The following LY96 variants were observed in gnomAD, a reference collection of about 807,000 sequenced individuals.
LY96 encodes the protein myeloid differentiation protein-2.
Under a neutral mutation model 18.9 loss-of-function variants are expected in LY96, and 18 were observed. That is an observed-to-expected ratio of 0.95 (90% CI 0.66 to 1.41). LY96 has a LOEUF of 1.41. LY96 is among the 40% of genes most tolerant of loss of function. LY96 has a pLI of 0.00. For missense variants in LY96, 175 were observed against 182.4 expected, an observed-to-expected ratio of 0.96 and a Z score of 0.23; for synonymous variants, 66 against 62.6, an observed-to-expected ratio of 1.06 and a Z score of -0.26.
the LY96 span, among the ~76,000 whole-genome samples, chr8:74,092,314 C>G: frequency 6.6e-5 from 10 of 152,100 alleles, no homozygotes; most frequent in African/African-American, 1.4e-4. Flanking sequence ...CACATTGCCC[C>G]CTTTAGCTAA....
the LY96 span, among the ~76,000 whole-genome samples, chr8:74,081,122 T>TTTCTTTCTTTCTTTCTTTCCTTCC: frequency 1.6e-5 from 2 of 124,346 alleles, no homozygotes; most frequent in African/African-American, 3.4e-5. Flanking sequence ...TCTTTCTTTC[T>TTTCTTTCTTTCTTTCTTTCCTTCC]TTCCTTCCTT....
At chr8:74,041,802 A>C in the LY96 span, among the ~76,000 whole-genome samples, 1 of 152,252 alleles carries the variant, frequency 6.6e-6, no homozygotes. Context: ...CAATACATAC[A>C]CAGCTGAACA....
chr8:74,075,944 C>T, the LY96 span, among the ~76,000 whole-genome samples: 2 of 152,154 alleles, frequency 1.3e-5, no homozygotes, highest in African/African-American at 2.4e-5. Flanking sequence ...AGGTGCTAGA[C>T]GGAGAAGACC....
At chr8:74,047,011 C>A in the LY96 span, among the ~76,000 whole-genome samples, 2 of 150,974 alleles carry the variant, frequency 1.3e-5, no homozygotes, top group African/African-American at 4.9e-5. Flanking sequence ...AAGCCATTAT[C>A]CTGCCTCAGC....
At chr8:74,010,181 A>G in intron 3 of LY96, 52 bp downstream of exon 3, 1 of 1,511,098 alleles carries the variant, frequency 6.6e-7, no homozygotes. Flanking sequence ...TCTTTATGAA[A>G]ATGTTATGAA....
the LY96 span, among the ~76,000 whole-genome samples, chr8:74,086,329 C>T: frequency 4.6e-5 from 7 of 152,262 alleles, no homozygotes; most frequent in South Asian, 2.1e-4. Context: ...TTGCTCACTG[C>T]GAGGATTCTG....
the LY96 span, among the ~76,000 whole-genome samples, chr8:74,050,883 C>T: frequency 6.6e-5 from 10 of 152,126 alleles, no homozygotes; most frequent in East Asian, 5.8e-4. Context: ...ATTAGCCAGG[C>T]GTGGTGGCAC....
chr8:74,002,676 A>G (rs1192803269), intron 1 of LY96, among the ~76,000 whole-genome samples: 1 of 150,358 alleles, frequency 6.7e-6, no homozygotes, highest in African/African-American at 2.5e-5. Context: ...GATTCAAGTG[A>G]TTCTCCAGCC....
the LY96 span, among the ~76,000 whole-genome samples, chr8:74,078,086 T>C: frequency 1.3e-5 from 2 of 149,516 alleles, no homozygotes; most frequent in East Asian, 3.9e-4. Context: ...CCAACCCGAG[T>C]GACAGAGCAA....
downstream of LY96, among the ~76,000 whole-genome samples, chr8:74,030,882 G>A (rs1816959074): frequency 6.6e-6 from 1 of 152,226 alleles, no homozygotes; most frequent in Non-Finnish European, 1.5e-5. Context: ...ATGGCTGCCA[G>A]CCTTATAAGA....
chr8:74,021,199 A>G (rs968803362), intron 3 of LY96, among the ~76,000 whole-genome samples: 2 of 152,256 alleles, frequency 1.3e-5, no homozygotes, highest in African/African-American at 4.8e-5. Context: ...TCCAGAATCT[A>G]CAAAGAACTT....
At chr8:74,017,335 A>C (rs1031024600) in intron 3 of LY96, among the ~76,000 whole-genome samples, 5 of 152,236 alleles carry the variant, frequency 3.3e-5, no homozygotes, top group Non-Finnish European at 7.3e-5. Flanking sequence ...AAATGAAGCA[A>C]GAAGAGAAGT....
chr8:74,073,640 A>AATTAATTT, the LY96 span, among the ~76,000 whole-genome samples: 2 of 145,250 alleles, frequency 1.4e-5, no homozygotes, highest in African/African-American at 5.1e-5. Context: ...GAGATTGATG[A>AATTAATTT]ATTTATTTAT....
chr8:74,097,404 A>G, the LY96 span, among the ~76,000 whole-genome samples: 3 of 152,292 alleles, frequency 2.0e-5, no homozygotes, highest in African/African-American at 7.2e-5. Flanking sequence ...GGAGAATAGA[A>G]GAGTTGATAT....
the LY96 span, among the ~76,000 whole-genome samples, chr8:74,098,676 A>T: frequency 1.3e-5 from 2 of 152,208 alleles, no homozygotes; most frequent in Non-Finnish European, 1.5e-5. Context: ...AGACCATCTT[A>T]TTCTGTCTTA....
At chr8:74,005,502 C>T (rs1425767460) in intron 2 of LY96, among the ~76,000 whole-genome samples, 2 of 152,222 alleles carry the variant, frequency 1.3e-5, no homozygotes, top group Non-Finnish European at 2.9e-5. Context: ...GTATATCCTT[C>T]ATCAATCATT....
At chr8:74,086,966 G>A in the LY96 span, among the ~76,000 whole-genome samples, 1 of 152,278 alleles carries the variant, frequency 6.6e-6, no homozygotes, top group South Asian at 2.1e-4. Flanking sequence ...CCCACATTGG[G>A]GCTTTTTGTT....
the LY96 span, chr8:74,052,532 G>C: frequency 6.6e-6 from 1 of 152,208 alleles, no homozygotes; most frequent in African/African-American, 2.4e-5. Context: ...GTAGGCATGA[G>C]ACCTGGAAAC....
the LY96 span, among the ~76,000 whole-genome samples, chr8:74,071,883 G>A: frequency 6.6e-6 from 1 of 152,086 alleles, no homozygotes; most frequent in African/African-American, 2.4e-5. Context: ...TGCATTGTGT[G>A]GATATACCAC....
Sources: gnomAD v4.1 joint callset for allele counts (sites outside exome capture counted in the v4.1 genomes callset) on GRCh38, gnomAD v4.1.1 for gene constraint, MANE v1.5 for transcripts, NCBI Gene and HGNC (gene_info 2026-07-23, HGNC 2026-07-21) for gene names.